Variants in LRRC37A2 observed in about 807,000 individuals in gnomAD.
LRRC37A2 encodes leucine-rich repeat-containing protein 37A2.
Under a neutral mutation model 68.8 loss-of-function variants are expected in LRRC37A2, and 9 were observed. The ratio of observed to expected loss-of-function variants is 0.13; its 90% confidence interval spans 0.08 to 0.23. The LOEUF is 0.23. Among genes scored for constraint, LRRC37A2 ranks in the 10% least tolerant of loss-of-function variants. The pLI, the probability that LRRC37A2 is intolerant of heterozygous loss-of-function variation, is 1.00. For synonymous variants in LRRC37A2, 63 were observed against 367.6 expected, an observed-to-expected ratio of 0.17 and a Z score of 9.48; for missense variants, 168 against 950.4, an observed-to-expected ratio of 0.18 and a Z score of 10.82.
At chr17:46,961,483 T>A in the LRRC37A2 span, among the ~76,000 whole-genome samples, 1 of 152,098 alleles carries the variant, frequency 6.6e-6, no homozygotes, top group Non-Finnish European at 1.5e-5. Flanking sequence ...TGCAGTGAGC[T>A]ATGATCACGC....
At chr17:46,707,670 T>C in the LRRC37A2 span, among the ~76,000 whole-genome samples, 1 of 152,188 alleles carries the variant, frequency 6.6e-6, no homozygotes, top group African/African-American at 2.4e-5. Context: ...TGACGTAGCA[T>C]AATGTCCTCA....
the LRRC37A2 span, among the ~76,000 whole-genome samples, chr17:46,835,997 T>C: frequency 6.6e-6 from 1 of 151,742 alleles, no homozygotes; most frequent in Non-Finnish European, 1.5e-5. Flanking sequence ...ACCTTAAAGT[T>C]ATTGTGCCCA....
At chr17:46,793,474 T>C in the LRRC37A2 span, among the ~76,000 whole-genome samples, 22 of 152,124 alleles carry the variant, frequency 1.4e-4, no homozygotes, top group African/African-American at 5.1e-4. Flanking sequence ...TTCTTTCGAA[T>C]GTTGGTGCAG....
At position 46,548,835 on chromosome 17, in the gene LRRC37A2, C is replaced by A; in HGVS notation, c.3696C>A (p.Tyr1232Ter). ...AGAAGTTAGCGGGAAACGCCGTCTA[C>A]ACCAAGCCTTCCTTCACCCAAGAGC... Residue 1232 changes from tyrosine (Y) to a stop codon, truncating the protein, a stop_gained, in exon 10 of 15, where the codon TAC becomes TAA. Coordinates refer to ENST00000576629, the Ensembl canonical transcript of LRRC37A2. LOFTEE classifies it high-confidence loss of function. 4.3e-6 allele frequency: 7 copies of A among 1,612,392 alleles called. No individual in the cohort carries two copies. Among genetic ancestry groups the A allele is most frequent in the Non-Finnish European group, 5.9e-6 (7 of 1,179,866 alleles).
chr17:46,500,453 G>T, the LRRC37A2 span, among the ~76,000 whole-genome samples: 1 of 149,276 alleles, frequency 6.7e-6, no homozygotes. Flanking sequence ...CTGTAGATTT[G>T]AGTTGCATTT....
the LRRC37A2 span, among the ~76,000 whole-genome samples, chr17:46,838,767 A>C: frequency 2.0e-5 from 3 of 152,246 alleles, no homozygotes; most frequent in African/African-American, 7.2e-5. Flanking sequence ...GATGCAGTCC[A>C]TAAAAATCCG....
chr17:46,988,067 G>C, the LRRC37A2 span, among the ~76,000 whole-genome samples: 2 of 152,174 alleles, frequency 1.3e-5, no homozygotes, highest in African/African-American at 4.8e-5. Context: ...AGCTACTCGG[G>C]AGGCTGAGGT....
At chr17:46,770,707 C>T in the LRRC37A2 span, among the ~76,000 whole-genome samples, 1 of 152,332 alleles carries the variant, frequency 6.6e-6, no homozygotes, top group Non-Finnish European at 1.5e-5. Flanking sequence ...GGCCAACTCC[C>T]TCCCAGAAGG....
At chr17:46,950,091 C>T in the LRRC37A2 span, among the ~76,000 whole-genome samples, 2 of 152,242 alleles carry the variant, frequency 1.3e-5, no homozygotes, top group Non-Finnish European at 2.9e-5. Flanking sequence ...GGGATAAAGA[C>T]AGGGAGAACC....
At chr17:46,679,919 G>A in the LRRC37A2 span, among the ~76,000 whole-genome samples, 1 of 147,282 alleles carries the variant, frequency 6.8e-6, no homozygotes, top group Admixed American at 6.8e-5. Context: ...GCAGAAATCA[G>A]AATGTAAAGT....
At chr17:46,926,026 G>A in the LRRC37A2 span, among the ~76,000 whole-genome samples, 9 of 152,180 alleles carry the variant, frequency 5.9e-5, no homozygotes, top group East Asian at 1.4e-3. Context: ...GGACCTTATC[G>A]TATGTCCAGG....
chr17:46,895,662 A>G, the LRRC37A2 span, among the ~76,000 whole-genome samples: 3 of 152,198 alleles, frequency 2.0e-5, no homozygotes, highest in Non-Finnish European at 4.4e-5. Flanking sequence ...TATTTTCTTA[A>G]TGATAATTGA....
At chr17:46,703,705 C>CAAAAAAAA in the LRRC37A2 span, among the ~76,000 whole-genome samples, 1 of 115,542 alleles carries the variant, frequency 8.7e-6, no homozygotes, top group African/African-American at 3.3e-5. Flanking sequence ...AAAAAAAAAA[C>CAAAAAAAA]AAAAAACAGA....
chr17:46,808,359 C>T, the LRRC37A2 span, among the ~76,000 whole-genome samples: 441 of 152,314 alleles, frequency 2.9e-3, 2 homozygotes, highest in African/African-American at 0.01. Flanking sequence ...TCTATAAGCC[C>T]AAAGCATCAG....
chr17:46,558,060 TTG>T (rs2057378528), downstream of LRRC37A2, among the ~76,000 whole-genome samples: 1 of 138,706 alleles, frequency 7.2e-6, no homozygotes, highest in African/African-American at 2.7e-5. Flanking sequence ...GGAGTTTTGT[TTG>T]TTTTTTTTTC....
At chr17:46,818,112 G>C in the LRRC37A2 span, among the ~76,000 whole-genome samples, 1 of 152,038 alleles carries the variant, frequency 6.6e-6, no homozygotes, top group Non-Finnish European at 1.5e-5. Context: ...GAACAGGATG[G>C]TTTTGCCCAT....
chr17:46,860,240 G>A, the LRRC37A2 span, among the ~76,000 whole-genome samples: 2 of 152,182 alleles, frequency 1.3e-5, no homozygotes, highest in South Asian at 2.1e-4. Context: ...CGGGAAGGAG[G>A]AGAGGAGGGA....
At chr17:46,830,577 T>C in the LRRC37A2 span, 2 of 398,258 alleles carry the variant, frequency 5.0e-6, no homozygotes, top group African/African-American at 4.1e-5. Context: ...CAAATCAGAG[T>C]ACATGGCATA....
the LRRC37A2 span, among the ~76,000 whole-genome samples, chr17:46,954,488 C>A: frequency 6.6e-6 from 1 of 151,858 alleles, no homozygotes; most frequent in African/African-American, 2.4e-5. Context: ...CAGCTTTGTT[C>A]TTTTGGCCTT....
Sources: gnomAD v4.1 joint callset for allele counts (sites outside exome capture counted in the v4.1 genomes callset) on GRCh38, gnomAD v4.1.1 for gene constraint, MANE v1.5 for transcripts, NCBI Gene and HGNC (gene_info 2026-07-23, HGNC 2026-07-21) for gene names.